The following IQCK variants were observed in gnomAD, a reference collection of about 807,000 sequenced individuals.
The protein encoded by IQCK is IQ motif containing K.
Under a neutral mutation model 28.1 loss-of-function variants are expected in IQCK, and 29 were observed. The observed-to-expected ratio is 1.03, with a 90% confidence interval of 0.77 to 1.41. IQCK has a LOEUF of 1.41. Among genes scored for constraint, IQCK ranks in the 40% most tolerant of loss-of-function variants. The pLI is 0.00. For missense variants in IQCK, 359 were observed against 314.7 expected (o/e 1.14, Z -1.07); for synonymous variants, 113 against 115.1 (o/e 0.98, Z 0.12).
At chr16:19,843,785 C>G (rs2056386480) in intron 9 of IQCK, among the ~76,000 whole-genome samples, 1 of 152,130 alleles carries the variant, frequency 6.6e-6, no homozygotes, top group African/African-American at 2.4e-5. Context: ...ACTTCTTCTT[C>G]TTGTAAGGGT....
chr16:19,828,455 C>G (rs2056181781), downstream of IQCK, among the ~76,000 whole-genome samples: 2 of 149,250 alleles, frequency 1.3e-5, no homozygotes, highest in South Asian at 4.3e-4. Flanking sequence ...CCAGGCTAGT[C>G]TCAAACTCCT....
intron 4 of IQCK, among the ~76,000 whole-genome samples, chr16:19,746,811 C>T (rs1388658238): frequency 2.0e-5 from 3 of 152,158 alleles, no homozygotes; most frequent in South Asian, 4.1e-4. Flanking sequence ...AAGCTTTGTC[C>T]GCCGGCTTTG....
chr16:19,764,539 T>C (rs941478286), intron 6 of IQCK, among the ~76,000 whole-genome samples: 1 of 152,142 alleles, frequency 6.6e-6, no homozygotes, highest in African/African-American at 2.4e-5. Flanking sequence ...AAATTAAAAC[T>C]ATTTGACCAT....
Position 19,799,640 on chromosome 16 carries a change from A to ACACC in IQCK, c.690+10719_690+10720insACCC, listed in dbSNP as rs1472985923. 1.1e-3 allele frequency among the ~76,000 whole-genome samples: 124 copies of ACACC among 111,806 alleles called. 11 individuals are homozygous for ACACC. Among genetic ancestry groups the ACACC allele is most frequent in the African/African-American group, 5.4e-3 (118 of 21,706 alleles). 73.3% of individuals were successfully genotyped at this position (111,806 alleles called of 152,430 possible). ...CACACACACACACACACACACACAC[A>ACACC]CCCAGTGAATACATTGAGTCATAAC... On this transcript the variant is annotated intron_variant, in intron 7 of 7. Transcript: ENST00000564186.
At chr16:19,839,018 C>CAAAA (rs71146274) in intron 9 of IQCK, among the ~76,000 whole-genome samples, 38 of 42,586 alleles carry the variant, frequency 8.9e-4, no homozygotes, top group African/African-American at 1.2e-3. Flanking sequence ...GACTCCATAG[C>CAAAA]AAAAAAAAAA....
intron 9 of IQCK, among the ~76,000 whole-genome samples, chr16:19,855,269 C>A (rs577824991): frequency 6.6e-6 from 1 of 152,232 alleles, no homozygotes; most frequent in East Asian, 1.9e-4. Flanking sequence ...GTCTGTGTTG[C>A]TGAAGGCCCT....
intron 4 of IQCK, chr16:19,762,166 G>A (rs1238895926): frequency 2.6e-5 from 4 of 152,264 alleles, no homozygotes; most frequent in Non-Finnish European, 5.9e-5. Flanking sequence ...GGGAGCCTGG[G>A]AAATGTAGAT....
intron 9 of IQCK, among the ~76,000 whole-genome samples, chr16:19,850,071 T>A (rs2056463592): frequency 6.6e-6 from 1 of 152,224 alleles, no homozygotes. Flanking sequence ...TTACATCACA[T>A]CAAGGTTATA....
chr16:19,738,435 G>A (rs958736446), intron 4 of IQCK, among the ~76,000 whole-genome samples: 2 of 152,150 alleles, frequency 1.3e-5, no homozygotes, highest in Non-Finnish European at 2.9e-5. Context: ...TATTAATTAT[G>A]CAAATAATTA....
At chr16:19,721,793 GT>G (rs1171883539) in intron 1 of IQCK, among the ~76,000 whole-genome samples, 2 of 152,008 alleles carry the variant, frequency 1.3e-5, no homozygotes, top group African/African-American at 4.8e-5. Context: ...GGCCAAGCTG[GT>G]CTCAAACACC....
intron 4 of IQCK, among the ~76,000 whole-genome samples, chr16:19,753,505 C>T (rs1018492180): frequency 2.6e-5 from 4 of 152,048 alleles, no homozygotes; most frequent in Non-Finnish European, 5.9e-5. Context: ...GATTTAGTGG[C>T]CTGTTAGGCA....
chr16:19,764,315 C>T, intron 6 of IQCK: 1 of 451,218 alleles, frequency 2.2e-6, no homozygotes, highest in Non-Finnish European at 3.9e-6. Flanking sequence ...AGAAGCACTC[C>T]AGAAATAAAA....
intron 4 of IQCK, among the ~76,000 whole-genome samples, chr16:19,749,764 CA>C: frequency 7.0e-6 from 1 of 142,050 alleles, no homozygotes; most frequent in Admixed American, 7.0e-5. Flanking sequence ...AATTCTGTTT[CA>C]AAAAGGAAAA....
intron 4 of IQCK, among the ~76,000 whole-genome samples, chr16:19,758,629 A>T (rs1003072164): frequency 6.6e-6 from 1 of 152,214 alleles, no homozygotes; most frequent in Non-Finnish European, 1.5e-5. Flanking sequence ...TTGCATTGTT[A>T]TACAAGTATT....
At chr16:19,746,886 C>T (rs968830282) in intron 4 of IQCK, among the ~76,000 whole-genome samples, 14 of 152,206 alleles carry the variant, frequency 9.2e-5, no homozygotes, top group Non-Finnish European at 1.8e-4. Flanking sequence ...ATAGGGGGAA[C>T]ATTATCATTT....
intron 7 of IQCK, among the ~76,000 whole-genome samples, chr16:19,803,579 CT>C (rs1597573319): frequency 2.0e-5 from 3 of 152,182 alleles, no homozygotes; most frequent in African/African-American, 7.2e-5. Context: ...TAAATCACAA[CT>C]TTTTTTCTTT....
At chr16:19,748,512 G>A (rs1390464862) in intron 4 of IQCK, among the ~76,000 whole-genome samples, 1 of 152,182 alleles carries the variant, frequency 6.6e-6, no homozygotes, top group African/African-American at 2.4e-5. Context: ...GAGGATAAAT[G>A]AGTTAAGCAA....
chr16:19,837,201 G>A (rs914010697), intron 9 of IQCK, among the ~76,000 whole-genome samples: 5 of 152,134 alleles, frequency 3.3e-5, no homozygotes, highest in Admixed American at 6.6e-5. Flanking sequence ...CCAGGAGTTC[G>A]AGACCAGCCC....
chr16:19,853,358 TCTC>T (rs2056510541), intron 9 of IQCK, among the ~76,000 whole-genome samples: 1 of 152,106 alleles, frequency 6.6e-6, no homozygotes, highest in African/African-American at 2.4e-5. Context: ...TCCTTTCTGC[TCTC>T]CTCTGTCAAG....
Sources: allele counts gnomAD v4.1 joint callset (sites outside exome capture counted in the v4.1 genomes callset), GRCh38; gene constraint gnomAD v4.1.1; transcripts MANE v1.5; gene names NCBI Gene and HGNC (gene_info 2026-07-23, HGNC 2026-07-21).